Variants in RBFOX1 observed in about 807,000 individuals in gnomAD.
The protein encoded by RBFOX1 is RNA binding fox-1 homolog 1.
In RBFOX1, 8 loss-of-function variants were observed where a neutral mutation model predicts 57.7. The observed-to-expected ratio is 0.14, with a 90% CI of 0.08 to 0.25. RBFOX1 has a LOEUF of 0.25. Ranked by LOEUF, RBFOX1 falls within the 10% of genes least tolerant of loss-of-function variation. RBFOX1 has a pLI of 1.00. For synonymous variants in RBFOX1, 326 were observed against 222.4 expected (o/e 1.47, Z -4.15); for missense variants, 611 against 548.5 (o/e 1.11, Z -1.14).
At chr16:7,230,318 A>G (rs1164584729) in intron 4 of RBFOX1, among the ~76,000 whole-genome samples, 2 of 152,116 alleles carry the variant, frequency 1.3e-5, no homozygotes, top group African/African-American at 4.8e-5. Flanking sequence ...AAACATCAAT[A>G]ATTCAATAAT....
intron 2 of RBFOX1, among the ~76,000 whole-genome samples, chr16:6,406,955 G>A (rs1567207262): frequency 6.6e-6 from 1 of 152,208 alleles, no homozygotes; most frequent in Non-Finnish European, 1.5e-5. Flanking sequence ...GGTAAAATGG[G>A]ATTATGATCC....
At chr16:6,854,317 G>T (rs928736523) in intron 3 of RBFOX1, among the ~76,000 whole-genome samples, 1 of 152,096 alleles carries the variant, frequency 6.6e-6, no homozygotes, top group Admixed American at 6.5e-5. Flanking sequence ...TATTAGGAAG[G>T]AGTCTTTGGG....
At chr16:6,948,884 G>A (rs137874497) in intron 3 of RBFOX1, among the ~76,000 whole-genome samples, 57 of 152,216 alleles carry the variant, frequency 3.7e-4, no homozygotes, top group Middle Eastern at 3.4e-3. Flanking sequence ...GTGACCAGAG[G>A]GACAGCATCC....
chr16:5,340,713 A>G (rs1255403228), intron 1 of RBFOX1, among the ~76,000 whole-genome samples: 1 of 152,248 alleles, frequency 6.6e-6, no homozygotes, highest in Non-Finnish European at 1.5e-5. Context: ...GCAAGTAATC[A>G]ATTCATTTAT....
At chr16:7,383,934 G>C (rs1250980413) in intron 4 of RBFOX1, among the ~76,000 whole-genome samples, 2 of 151,952 alleles carry the variant, frequency 1.3e-5, no homozygotes, top group African/African-American at 4.8e-5. Flanking sequence ...TGTGCCTGTA[G>C]TCCCAGCTAC....
chr16:6,854,782 G>C (rs1324486318), intron 3 of RBFOX1, among the ~76,000 whole-genome samples: 2 of 151,796 alleles, frequency 1.3e-5, no homozygotes, highest in African/African-American at 2.4e-5. Context: ...TTTTAGTAGA[G>C]ACGGGGTTTC....
intron 3 of RBFOX1, among the ~76,000 whole-genome samples, chr16:6,910,445 A>G (rs558199065): frequency 6.6e-6 from 1 of 152,312 alleles, no homozygotes; most frequent in East Asian, 1.9e-4. Context: ...GCTGGAGTAA[A>G]ATCAAGGACT....
At chr16:6,693,381 C>G (rs1056686097) in intron 3 of RBFOX1, among the ~76,000 whole-genome samples, 2 of 150,462 alleles carry the variant, frequency 1.3e-5, no homozygotes, top group Non-Finnish European at 1.5e-5. Context: ...TCATCCTACT[C>G]CACTAGAATC....
chr16:7,707,429 C>G lies in RBFOX1; in HGVS notation c.996-1627C>G, dbSNP rs570049292. On this transcript the variant is annotated intron_variant, in intron 14 of 15. Transcript: ENST00000550418. ...GGAAAGGAGAGGGAAAAGGTACGTG[C>G]AAATTGGGCTCTAAGGGATGAGAGA... Among the ~76,000 whole-genome samples the G allele has an allele frequency of 1.2e-3, 177 of 152,190 alleles. 1 individual carries two copies. The highest frequency in any genetic ancestry group is 4.2e-3 in the African/African-American group (176 of 41,534).
intron 4 of RBFOX1, among the ~76,000 whole-genome samples, chr16:7,357,361 A>T (rs559433417): frequency 6.6e-6 from 1 of 152,342 alleles, no homozygotes; most frequent in Non-Finnish European, 1.5e-5. Flanking sequence ...GATGAAAACA[A>T]AAGATTCCAA....
At chr16:6,887,880 T>C (rs1344263373) in intron 3 of RBFOX1, among the ~76,000 whole-genome samples, 14 of 152,106 alleles carry the variant, frequency 9.2e-5, no homozygotes. Flanking sequence ...CAGGCTGGTC[T>C]CGAACTCCAG....
At chr16:6,073,866 A>G (rs953471091) in intron 1 of RBFOX1, among the ~76,000 whole-genome samples, 8 of 152,126 alleles carry the variant, frequency 5.3e-5, no homozygotes, top group Admixed American at 6.5e-5. Context: ...TGAAATAGAA[A>G]TTGGTGGAGG....
chr16:5,528,588 C>G (rs2044337225), intron 2 of RBFOX1, among the ~76,000 whole-genome samples: 1 of 148,648 alleles, frequency 6.7e-6, no homozygotes, highest in East Asian at 2.0e-4. Context: ...TGTCCGATCC[C>G]CAATTCATTC....
chr16:5,440,868 G>T (rs2068063163), intron 1 of RBFOX1, among the ~76,000 whole-genome samples: 1 of 152,152 alleles, frequency 6.6e-6, no homozygotes, highest in South Asian at 2.1e-4. Context: ...TACTATTTGA[G>T]GCTATTGAGG....
intron 3 of RBFOX1, among the ~76,000 whole-genome samples, chr16:6,846,219 C>T (rs2093746716): frequency 6.6e-6 from 1 of 152,168 alleles, no homozygotes; most frequent in Admixed American, 6.5e-5. Context: ...AGGGTGTGTG[C>T]ATGTTTTCAG....
rs139172357 is a variant in RBFOX1 at position 6,180,632 on chromosome 16, C to A, written c.-126-136363C>A. On this transcript the variant is annotated intron_variant, in intron 1 of 15. Transcript: ENST00000550418. Reference sequence around the variant, plus strand: ...CCAGGCTGGAGTGCAGTGTTACGATCTCGGCTCACTGCAATCTCCACCTCC... The same window carrying A: ...CCAGGCTGGAGTGCAGTGTTACGATATCGGCTCACTGCAATCTCCACCTCC... Among the ~76,000 whole-genome samples, 23 of 151,830 alleles carry A rather than the reference C, an allele frequency of 1.5e-4. No individual in the cohort carries two copies. In the East Asian group the frequency reaches 4.1e-3, roughly 27 times the overall value.
At chr16:6,772,151 T>C (rs2078399959) in intron 3 of RBFOX1, among the ~76,000 whole-genome samples, 1 of 152,080 alleles carries the variant, frequency 6.6e-6, no homozygotes, top group African/African-American at 2.4e-5. Flanking sequence ...GGTCTGTTGG[T>C]GGTTCCGGTG....
chr16:5,753,420 T>C (rs574786020), intron 3 of RBFOX1, among the ~76,000 whole-genome samples: 1 of 152,338 alleles, frequency 6.6e-6, no homozygotes, highest in South Asian at 2.1e-4. Context: ...TGTAGAATTT[T>C]GGCTGCGTTT....
intron 4 of RBFOX1, among the ~76,000 whole-genome samples, chr16:7,176,136 G>T (rs1375553778): frequency 8.6e-5 from 13 of 150,932 alleles, no homozygotes; most frequent in Admixed American, 8.6e-4. Context: ...TTGGAATCCC[G>T]GTGCTACATG....
Sources: allele counts gnomAD v4.1 joint callset (sites outside exome capture counted in the v4.1 genomes callset), GRCh38; gene constraint gnomAD v4.1.1; transcripts MANE v1.5; gene names NCBI Gene and HGNC (gene_info 2026-07-23, HGNC 2026-07-21).